The following IQCM variants were observed in gnomAD, a reference collection of about 807,000 sequenced individuals.
IQCM encodes IQ motif containing M.
A neutral mutation model predicts 57.6 loss-of-function variants in IQCM; 45 were observed. The ratio of observed to expected loss-of-function variants is 0.78; its 90% CI spans 0.62 to 1.00. The LOEUF (loss-of-function observed/expected upper bound fraction) is 1.00, where lower values mean the gene tolerates loss of function less well. Among genes scored for constraint, IQCM ranks in the 50% least tolerant of loss-of-function variants. IQCM has a pLI of 0.00. For synonymous variants in IQCM, 148 were observed against 158.9 expected (o/e 0.93, Z 0.51); for missense variants, 468 against 511.6 (o/e 0.91, Z 0.82).
intron 13 of IQCM, among the ~76,000 whole-genome samples, chr4:149,383,913 A>C (rs898729884): frequency 2.0e-5 from 3 of 152,112 alleles, no homozygotes; most frequent in Non-Finnish European, 4.4e-5. Context: ...AGATCATGCC[A>C]TGGCACTCTA....
At chr4:149,445,633 GGGCAGTAAAACAAAA>G (rs1322486074) in intron 12 of IQCM, among the ~76,000 whole-genome samples, 2 of 151,554 alleles carry the variant, frequency 1.3e-5, no homozygotes, top group South Asian at 4.2e-4. Context: ...TATCATCATT[GGGCAGTAAAACAAAA>G]GGTTTCATGA....
chr4:149,486,204 G>A (rs1187120288), intron 12 of IQCM, among the ~76,000 whole-genome samples: 3 of 152,170 alleles, frequency 2.0e-5, no homozygotes, highest in East Asian at 3.9e-4. Context: ...TCTCTTCAGG[G>A]CATCAAGTTC....
chr4:149,646,857 G>A (rs543479643), intron 7 of IQCM, among the ~76,000 whole-genome samples: 59 of 152,176 alleles, frequency 3.9e-4, no homozygotes, highest in African/African-American at 1.3e-3. Flanking sequence ...GGTGGCAGGC[G>A]CCTGTAATCT....
chr4:149,673,269 A>T (rs1417207144), intron 7 of IQCM, among the ~76,000 whole-genome samples: 1 of 152,182 alleles, frequency 6.6e-6, no homozygotes, highest in East Asian at 1.9e-4. Flanking sequence ...TTCACACATA[A>T]CAATATTAAC....
chr4:149,391,465 T>C (rs1176112428), intron 13 of IQCM, among the ~76,000 whole-genome samples: 1 of 151,856 alleles, frequency 6.6e-6, no homozygotes, highest in Non-Finnish European at 1.5e-5. Context: ...TTTCAATATA[T>C]TGTTTTCTAT....
chr4:149,393,261 A>C (rs1578904976), intron 13 of IQCM, among the ~76,000 whole-genome samples: 1 of 152,042 alleles, frequency 6.6e-6, no homozygotes, highest in East Asian at 1.9e-4. Context: ...GGAGATTAAA[A>C]ATATAATGAT....
At chr4:149,380,224 G>GTA (rs1730983021) in intron 13 of IQCM, among the ~76,000 whole-genome samples, 2 of 151,896 alleles carry the variant, frequency 1.3e-5, no homozygotes, top group African/African-American at 4.8e-5. Flanking sequence ...GTGCTCGTGT[G>GTA]TGTGTGTGTG....
At chr4:149,600,278 G>A (rs145498659) in intron 8 of IQCM, among the ~76,000 whole-genome samples, 217 of 152,124 alleles carry the variant, frequency 1.4e-3, no homozygotes, top group African/African-American at 5.0e-3. Flanking sequence ...TGCTTTATGT[G>A]TATTATCTTC....
intron 12 of IQCM, among the ~76,000 whole-genome samples, chr4:149,444,121 G>T (rs570128215): frequency 7.1e-6 from 1 of 141,684 alleles, no homozygotes; most frequent in Non-Finnish European, 1.6e-5. Context: ...TAGAGGTTTC[G>T]CTATCAATTC....
At chr4:149,754,955 C>G (rs972273474) in intron 2 of IQCM, among the ~76,000 whole-genome samples, 2 of 152,200 alleles carry the variant, frequency 1.3e-5, no homozygotes, top group Non-Finnish European at 2.9e-5. Context: ...CTGATGATTT[C>G]TCCCTCAGCA....
intron 13 of IQCM, among the ~76,000 whole-genome samples, chr4:149,418,167 TG>T (rs967978595): frequency 9.0e-6 from 1 of 110,910 alleles, no homozygotes; most frequent in Non-Finnish European, 1.9e-5. Flanking sequence ...ATCCAGGTTA[TG>T]GTTTTTTTTT....
intron 12 of IQCM, among the ~76,000 whole-genome samples, chr4:149,523,853 A>G (rs1306317248): frequency 2.0e-5 from 3 of 152,180 alleles, no homozygotes; most frequent in Admixed American, 6.5e-5. Flanking sequence ...AGTAAAAATA[A>G]TTAACTTTCT....
intron 5 of IQCM, among the ~76,000 whole-genome samples, chr4:149,709,071 C>T (rs985087182): frequency 1.6e-4 from 24 of 152,062 alleles, no homozygotes; most frequent in Non-Finnish European, 3.1e-4. Context: ...ATGACAAAAA[C>T]ATGTGTCACA....
At chr4:149,655,445 A>G (rs1759553392) in intron 7 of IQCM, among the ~76,000 whole-genome samples, 1 of 152,188 alleles carries the variant, frequency 6.6e-6, no homozygotes, top group South Asian at 2.1e-4. Context: ...AATTTGATAC[A>G]TTAAAAGTAT....
intron 2 of IQCM, chr4:149,790,031 G>T: frequency 2.3e-6 from 1 of 430,284 alleles, no homozygotes. Flanking sequence ...TTGTACTTCT[G>T]ATGCACATGC....
chr4:149,426,421 C>T (rs4835580), intron 13 of IQCM, among the ~76,000 whole-genome samples: 70,595 of 151,746 alleles, frequency 0.47, 16,629 homozygotes, highest in East Asian at 0.51. Flanking sequence ...GCTTTCTATA[C>T]TAGTTATCTA....
At chr4:149,499,669 G>T (rs1207235316) in intron 12 of IQCM, among the ~76,000 whole-genome samples, 1 of 151,740 alleles carries the variant, frequency 6.6e-6, no homozygotes, top group African/African-American at 2.4e-5. Context: ...GGCAAGAAAT[G>T]AAAGATCTTA....
intron 12 of IQCM, among the ~76,000 whole-genome samples, chr4:149,458,720 T>C (rs1177117074): frequency 6.6e-6 from 1 of 152,128 alleles, no homozygotes; most frequent in Non-Finnish European, 1.5e-5. Context: ...TAAAAGCTAA[T>C]TCAGAATTTA....
At chr4:149,540,838 A>C (rs544251722) in intron 12 of IQCM, among the ~76,000 whole-genome samples, 1 of 152,190 alleles carries the variant, frequency 6.6e-6, no homozygotes, top group African/African-American at 2.4e-5. Flanking sequence ...AGTGTTCTTC[A>C]TTTCACCTTT....
Sources: gnomAD v4.1 joint callset for allele counts (sites outside exome capture counted in the v4.1 genomes callset) on GRCh38, gnomAD v4.1.1 for gene constraint, MANE v1.5 for transcripts, NCBI Gene and HGNC (gene_info 2026-07-23, HGNC 2026-07-21) for gene names.